The following NEDD4L variants were observed in gnomAD, a reference collection of about 807,000 sequenced individuals.
NEDD4L encodes E3 ubiquitin-protein ligase NEDD4-like.
In NEDD4L, 54 loss-of-function variants were observed where a neutral mutation model predicts 148.9. The observed-to-expected ratio is 0.36, with a 90% CI of 0.29 to 0.45. The LOEUF is 0.45. NEDD4L is among the 20% of genes least tolerant of loss of function. The pLI is 1.00. For synonymous variants in NEDD4L, 433 were observed against 440.7 expected, an observed-to-expected ratio of 0.98 and a Z score of 0.22; for missense variants, 856 against 1,233.8, an observed-to-expected ratio of 0.69 and a Z score of 4.59.
At chr18:58,133,133 A>G (rs11152059) in intron 1 of NEDD4L, among the ~76,000 whole-genome samples, 55,322 of 152,132 alleles carry the variant, frequency 0.36, 10,330 homozygotes, top group Admixed American at 0.44. Flanking sequence ...GGAATGTGTA[A>G]CAGCTGGGAA....
chr18:58,341,449 A>G (rs753721694), intron 14 of NEDD4L, among the ~76,000 whole-genome samples: 2 of 152,108 alleles, frequency 1.3e-5, no homozygotes, highest in Admixed American at 6.5e-5. Context: ...CCCAGCCCCC[A>G]CTTTAATCCG....
chr18:58,320,976 T>C (rs1279153133), intron 6 of NEDD4L, among the ~76,000 whole-genome samples: 1 of 152,222 alleles, frequency 6.6e-6, no homozygotes, highest in Non-Finnish European at 1.5e-5. Context: ...AAGAACAGTC[T>C]AGAAAATATA....
chr18:58,347,205 G>GCCCCCCCCCCCCCCCC lies in NEDD4L; in HGVS notation c.1576-2324_1576-2323insCCCCCCCCCCCCCCCC. Among the ~76,000 whole-genome samples, 44 of 39,578 alleles carry GCCCCCCCCCCCCCCCC rather than the reference G, an allele frequency of 1.1e-3. 3 individuals are homozygous for GCCCCCCCCCCCCCCCC. Among genetic ancestry groups the GCCCCCCCCCCCCCCCC allele is most frequent in the Non-Finnish European group, 1.4e-3 (31 of 21,948 alleles). 26.0% of individuals were successfully genotyped at this position (39,578 alleles called of 152,430 possible). On this transcript the variant is annotated intron_variant, in intron 16 of 30. Coordinates refer to ENST00000400345, the MANE Select transcript of NEDD4L (RefSeq NM_001144967.3). ...AATTTCAGCTTCTTTTCACGCTACG[G>GCCCCCCCCCCCCCCCC]CCCCCCCCGCCCCCCCCCCCCCTTT...
At chr18:58,235,620 T>G (rs1880168945) in intron 2 of NEDD4L, among the ~76,000 whole-genome samples, 1 of 152,228 alleles carries the variant, frequency 6.6e-6, no homozygotes, top group Non-Finnish European at 1.5e-5. Context: ...TGCCTCCACT[T>G]TGACATCACG....
At chr18:58,361,337 G>A (rs1292809302) in intron 19 of NEDD4L, among the ~76,000 whole-genome samples, 1 of 152,212 alleles carries the variant, frequency 6.6e-6, no homozygotes, top group Non-Finnish European at 1.5e-5. Context: ...CTGTAAGTTA[G>A]CATGCTCTGT....
chr18:58,095,358 C>T (rs2084325033), intron 1 of NEDD4L, among the ~76,000 whole-genome samples: 1 of 152,166 alleles, frequency 6.6e-6, no homozygotes, highest in Admixed American at 6.5e-5. Context: ...GATGGCTGAG[C>T]CTGAAGAATT....
At chr18:58,324,153 A>T (rs2059099729) in intron 8 of NEDD4L, among the ~76,000 whole-genome samples, 1 of 152,232 alleles carries the variant, frequency 6.6e-6, no homozygotes, top group Non-Finnish European at 1.5e-5. Context: ...ATAGAAATTT[A>T]TGAATGTTAA....
intron 13 of NEDD4L, 55 bp downstream of exon 13, chr18:58,335,592 T>C: frequency 7.4e-7 from 1 of 1,349,726 alleles, no homozygotes; most frequent in South Asian, 1.2e-5. Context: ...GCAGTTTTAA[T>C]ATTTCGTGTA....
In NEDD4L at chr18:58,398,586, A is replaced by G. The variant is rs1355353667; in HGVS notation, c.*2317A>G. 1 of 152,254 alleles carries G rather than the reference A, an allele frequency of 6.6e-6. No homozygotes were observed. The highest frequency in any genetic ancestry group is 1.5e-5 in the Non-Finnish European group (1 of 68,032). The allele number at this position is 152,254 out of a possible 1,614,324, so 9.4% of individuals were successfully genotyped here. A position where few individuals can be genotyped will look rare whatever the true frequency, so the allele number is the denominator to read the frequency against. On this transcript the variant is annotated 3_prime_UTR_variant, in exon 31 of 31. Transcript: ENST00000400345. Reference sequence around the variant, plus strand: ...ACCCCATGAATACTTGGAAGGCAGTAATTGTGAGTGACACCTCAGTTCATC... The same window carrying G: ...ACCCCATGAATACTTGGAAGGCAGTGATTGTGAGTGACACCTCAGTTCATC...
chr18:58,299,604 T>G (rs1373516644), intron 5 of NEDD4L, among the ~76,000 whole-genome samples: 1 of 152,206 alleles, frequency 6.6e-6, no homozygotes, highest in Non-Finnish European at 1.5e-5. Flanking sequence ...ATGGGTAGAA[T>G]CAATTTACCC....
chr18:58,064,230 C>T (rs189983141), intron 1 of NEDD4L, among the ~76,000 whole-genome samples: 8 of 152,154 alleles, frequency 5.3e-5, no homozygotes, highest in Non-Finnish European at 1.2e-4. Context: ...TCCCAAAGTG[C>T]TGGGATTACA....
chr18:58,059,510 TAAG>T lies in NEDD4L; in HGVS notation c.48+14806_48+14808del, dbSNP rs562842876. Among the ~76,000 whole-genome samples the T allele has an allele frequency of 1.6e-4, 25 of 152,238 alleles. No individual in the cohort carries two copies. In the South Asian group the frequency reaches 4.8e-3, roughly 29 times the overall value. ...GACTCCAGGATCCATGCTGCCTGGC[TAAG>T]AAGGGCAGTGTCCTCCTTGCCCAGG... On this transcript the variant is annotated intron_variant, in intron 1 of 30. Coordinates refer to ENST00000400345, the MANE Select transcript of NEDD4L (RefSeq NM_001144967.3).
At chr18:58,164,717 C>T (rs1908827802) in intron 1 of NEDD4L, among the ~76,000 whole-genome samples, 1 of 152,246 alleles carries the variant, frequency 6.6e-6, no homozygotes, top group Non-Finnish European at 1.5e-5. Context: ...GATCCGCCTG[C>T]CTCGGCCTCC....
intron 5 of NEDD4L, among the ~76,000 whole-genome samples, chr18:58,315,479 A>T (rs754186833): frequency 5.8e-5 from 8 of 137,872 alleles, no homozygotes; most frequent in Non-Finnish European, 1.0e-4. Context: ...TAAAAAAAAA[A>T]CAATGTACTT....
intron 1 of NEDD4L, 88 bp from the exon 2 acceptor site, chr18:58,165,688 ATACTGGACTGAG>A (rs1475973417): frequency 2.0e-6 from 3 of 1,516,668 alleles, no homozygotes; most frequent in African/African-American, 1.4e-5. Context: ...CTGTATCCCA[ATACTGGACTGAG>A]TAGAAATCAA....
chr18:58,201,192 G>T (rs1449802503), intron 2 of NEDD4L, among the ~76,000 whole-genome samples: 1 of 152,078 alleles, frequency 6.6e-6, no homozygotes, highest in Non-Finnish European at 1.5e-5. Flanking sequence ...AATTAGCCAG[G>T]CATGGTGGTG....
At chr18:58,394,986 A>G (rs972997696) in intron 30 of NEDD4L, among the ~76,000 whole-genome samples, 17 of 152,232 alleles carry the variant, frequency 1.1e-4, no homozygotes, top group African/African-American at 4.1e-4. Flanking sequence ...GGAGCACCCC[A>G]GGGCTGTACC....
At chr18:58,285,473 C>T (rs2053762308) in intron 5 of NEDD4L, among the ~76,000 whole-genome samples, 1 of 152,168 alleles carries the variant, frequency 6.6e-6, no homozygotes, top group African/African-American at 2.4e-5. Flanking sequence ...GGATTACAGG[C>T]ATGTGCTACC....
chr18:58,234,089 CTTTCTTTCTTTCT>C (rs770532008), intron 2 of NEDD4L, among the ~76,000 whole-genome samples: 1,619 of 97,250 alleles, frequency 0.017, 38 homozygotes, highest in African/African-American at 0.047. Flanking sequence ...TTCTTTCTTT[CTTTCTTTCTTTCT>C]TTTCTTTTCT....
Sources: allele counts gnomAD v4.1 joint callset (sites outside exome capture counted in the v4.1 genomes callset), GRCh38; gene constraint gnomAD v4.1.1; transcripts MANE v1.5; gene names NCBI Gene and HGNC (gene_info 2026-07-23, HGNC 2026-07-21).